Variants in MACROD2 observed in about 807,000 individuals in gnomAD.
The protein encoded by MACROD2 is ADP-ribose glycohydrolase MACROD2.
MACROD2 carries 36 observed loss-of-function variants against 70.4 expected under a neutral mutation model. The observed-to-expected ratio is 0.51, with a 90% confidence interval of 0.39 to 0.68. The LOEUF (loss-of-function observed/expected upper bound fraction) is 0.68. Ranked by LOEUF, MACROD2 falls within the 30% of genes least tolerant of loss-of-function variation. MACROD2 has a pLI of 0.00. For synonymous variants in MACROD2, 172 were observed against 178.8 expected (o/e 0.96, Z 0.30); for missense variants, 496 against 538.4 (o/e 0.92, Z 0.78).
At chr20:14,577,794 A>AAAGAGAAGAGAAGAGAAGAG (rs140897912) in intron 4 of MACROD2, among the ~76,000 whole-genome samples, 27,474 of 137,626 alleles carry the variant, frequency 0.2, 3,461 homozygotes, top group Middle Eastern at 0.25. Context: ...AAAGAAAAGG[A>AAAGAGAAGAGAAGAGAAGAG]AAGAGAAGAG....
intron 3 of MACROD2, among the ~76,000 whole-genome samples, chr20:14,370,210 ATGAGTTATAAT>A (rs148448948): frequency 0.035 from 5,318 of 152,250 alleles, 312 homozygotes; most frequent in African/African-American, 0.12. Context: ...ATATTAATGT[ATGAGTTATAAT>A]TGAATTATCA....
intron 3 of MACROD2, among the ~76,000 whole-genome samples, chr20:14,355,327 T>G (rs1484636127): frequency 6.6e-6 from 1 of 152,206 alleles, no homozygotes; most frequent in Non-Finnish European, 1.5e-5. Flanking sequence ...CAGAGTGAGT[T>G]ATGACTCTGA....
At chr20:15,482,443 G>A (rs951396157) in intron 7 of MACROD2, among the ~76,000 whole-genome samples, 4 of 152,068 alleles carry the variant, frequency 2.6e-5, no homozygotes, top group Admixed American at 6.5e-5. Context: ...ACCAATTGTC[G>A]ATGAGGATGT....
chr20:15,364,194 T>C (rs2078385473), intron 6 of MACROD2, among the ~76,000 whole-genome samples: 2 of 152,230 alleles, frequency 1.3e-5, no homozygotes, highest in South Asian at 4.1e-4. Context: ...TTGTGCTTCT[T>C]ATTCTTTAAA....
chr20:14,562,376 T>G (rs1471390906), intron 4 of MACROD2, among the ~76,000 whole-genome samples: 1 of 151,966 alleles, frequency 6.6e-6, no homozygotes, highest in African/African-American at 2.4e-5. Context: ...TTGCTTCTTC[T>G]TTTGAATTCA....
intron 5 of MACROD2, among the ~76,000 whole-genome samples, chr20:15,198,145 G>A (rs2076622854): frequency 6.6e-6 from 1 of 151,958 alleles, no homozygotes; most frequent in Non-Finnish European, 1.5e-5. Flanking sequence ...ATTTTCAGTA[G>A]AGACGGGGTT....
chr20:14,356,625 C>G (rs1172126271), intron 3 of MACROD2, among the ~76,000 whole-genome samples: 2 of 151,440 alleles, frequency 1.3e-5, no homozygotes, highest in Non-Finnish European at 2.9e-5. Context: ...CTGCCTCAAC[C>G]TCCCAAGTAG....
intron 5 of MACROD2, among the ~76,000 whole-genome samples, chr20:15,154,258 T>G (rs146250354): frequency 2.0e-5 from 3 of 152,280 alleles, no homozygotes; most frequent in African/African-American, 4.8e-5. Flanking sequence ...AGTTTTCTCA[T>G]TCCTCACCGT....
At chr20:14,757,551 A>G in intron 5 of MACROD2, 1 of 858,472 alleles carries the variant, frequency 1.2e-6, no homozygotes. Flanking sequence ...CCCGGACCCT[A>G]CAGCCATCAA....
At chr20:15,444,814 A>C (rs538905443) in intron 7 of MACROD2, among the ~76,000 whole-genome samples, 12 of 151,204 alleles carry the variant, frequency 7.9e-5, no homozygotes, top group African/African-American at 2.9e-4. Context: ...TTTTAGTATG[A>C]GGTTAATAAT....
At chr20:15,237,075 AAGCCC>A (rs2077019927) in intron 6 of MACROD2, among the ~76,000 whole-genome samples, 1 of 152,204 alleles carries the variant, frequency 6.6e-6, no homozygotes, top group African/African-American at 2.4e-5. Flanking sequence ...TGGTCTGGCC[AAGCCC>A]ACATGGGAAA....
chr20:14,621,842 A>G (rs1237582568), intron 4 of MACROD2: 1 of 152,300 alleles, frequency 6.6e-6, no homozygotes, highest in East Asian at 1.9e-4. Flanking sequence ...CACCATGTTT[A>G]TACGTGACTA....
chr20:14,903,173 C>G (rs1260016145), intron 5 of MACROD2, among the ~76,000 whole-genome samples: 2 of 151,512 alleles, frequency 1.3e-5, no homozygotes, highest in African/African-American at 2.4e-5. Flanking sequence ...TCCCGAGTAG[C>G]TGGGATTACA....
chr20:15,964,786 C>G (rs2066115018), intron 12 of MACROD2, among the ~76,000 whole-genome samples: 2 of 152,088 alleles, frequency 1.3e-5, no homozygotes, highest in Non-Finnish European at 2.9e-5. Flanking sequence ...TTCAGAGAGC[C>G]CTATTAATAA....
intron 5 of MACROD2, among the ~76,000 whole-genome samples, chr20:15,205,786 C>T (rs1174270542): frequency 6.6e-6 from 1 of 152,210 alleles, no homozygotes; most frequent in Non-Finnish European, 1.5e-5. Context: ...TACAGAATCA[C>T]TTCAAGATAT....
chr20:15,478,232 A>G (rs2047048390), intron 7 of MACROD2, among the ~76,000 whole-genome samples: 2 of 152,238 alleles, frequency 1.3e-5, no homozygotes, highest in Admixed American at 1.3e-4. Flanking sequence ...TAGCTGTGCC[A>G]GTGAGGTTCG....
At chr20:14,248,142 T>G (rs1343136947) in intron 3 of MACROD2, among the ~76,000 whole-genome samples, 1 of 152,218 alleles carries the variant, frequency 6.6e-6, no homozygotes, top group East Asian at 1.9e-4. Context: ...AAGAAAATGA[T>G]TGCTTATCAG....
At chr20:15,866,180 G>C (rs1359697857) in intron 9 of MACROD2, among the ~76,000 whole-genome samples, 3 of 152,110 alleles carry the variant, frequency 2.0e-5, no homozygotes, top group Non-Finnish European at 4.4e-5. Flanking sequence ...GAATCCAGGA[G>C]TTTCAGGCTA....
chr20:14,993,275 T>G (rs1190721959), intron 5 of MACROD2, among the ~76,000 whole-genome samples: 1 of 152,070 alleles, frequency 6.6e-6, no homozygotes. Flanking sequence ...CTTTTTTTTT[T>G]TTTTGGTGAA....
Sources: gnomAD v4.1 joint callset for allele counts (sites outside exome capture counted in the v4.1 genomes callset) on GRCh38, gnomAD v4.1.1 for gene constraint, MANE v1.5 for transcripts, NCBI Gene and HGNC (gene_info 2026-07-23, HGNC 2026-07-21) for gene names.